The following LSAMP variants were observed in gnomAD, a reference collection of about 807,000 sequenced individuals.
The protein encoded by LSAMP is limbic system-associated membrane protein.
In LSAMP, 7 loss-of-function variants were observed where a neutral mutation model predicts 38.6. The ratio of observed to expected loss-of-function variants is 0.18; its 90% confidence interval spans 0.10 to 0.34. LSAMP has a LOEUF of 0.34. Among genes scored for constraint, LSAMP ranks in the 10% least tolerant of loss-of-function variants. The pLI is 1.00. For missense variants in LSAMP, 313 were observed against 420.0 expected (o/e 0.75, Z 2.23); for synonymous variants, 154 against 166.8 (o/e 0.92, Z 0.59).
intron 1 of LSAMP, among the ~76,000 whole-genome samples, chr3:116,177,540 C>A (rs1209988904): frequency 1.3e-5 from 2 of 151,768 alleles, no homozygotes; most frequent in African/African-American, 4.8e-5. Flanking sequence ...ATGTGAAATG[C>A]CACATGTGAA....
intron 1 of LSAMP, among the ~76,000 whole-genome samples, chr3:116,438,955 C>T (rs887771462): frequency 6.6e-6 from 1 of 152,152 alleles, no homozygotes. Context: ...TACAATGTGA[C>T]TCCAATTTTT....
chr3:116,043,026 G>A (rs1205978001), intron 2 of LSAMP, among the ~76,000 whole-genome samples: 1 of 152,124 alleles, frequency 6.6e-6, no homozygotes, highest in African/African-American at 2.4e-5. Flanking sequence ...TTTTGGGCTA[G>A]ATAATTATTT....
chr3:115,856,737 C>T (rs1935520767), intron 3 of LSAMP, among the ~76,000 whole-genome samples: 2 of 152,050 alleles, frequency 1.3e-5, no homozygotes. Context: ...CCTTATCAGA[C>T]AGTAAATTTG....
chr3:115,874,262 T>A (rs1936125082), intron 3 of LSAMP, among the ~76,000 whole-genome samples: 1 of 152,078 alleles, frequency 6.6e-6, no homozygotes, highest in Non-Finnish European at 1.5e-5. Context: ...TTCTCCTCAG[T>A]CTTTGGGAAC....
At chr3:115,846,502 C>T (rs1935164487) in intron 4 of LSAMP, among the ~76,000 whole-genome samples, 1 of 152,108 alleles carries the variant, frequency 6.6e-6, no homozygotes, top group Non-Finnish European at 1.5e-5. Flanking sequence ...TGCATGTCGG[C>T]ACTCTAATAG....
At chr3:115,881,237 T>G (rs1306185278) in intron 3 of LSAMP, among the ~76,000 whole-genome samples, 1 of 152,052 alleles carries the variant, frequency 6.6e-6, no homozygotes, top group Non-Finnish European at 1.5e-5. Flanking sequence ...TCATGAAAAG[T>G]GTTATGCACA....
intron 3 of LSAMP, among the ~76,000 whole-genome samples, chr3:115,960,200 A>C (rs559041602): frequency 6.6e-6 from 1 of 152,274 alleles, no homozygotes; most frequent in East Asian, 1.9e-4. Context: ...GTGAGCCCTA[A>C]TCCAATATAA....
intron 3 of LSAMP, among the ~76,000 whole-genome samples, chr3:115,985,234 A>G (rs1266483153): frequency 6.6e-6 from 1 of 152,206 alleles, no homozygotes; most frequent in Non-Finnish European, 1.5e-5. Flanking sequence ...CTAATAAAAA[A>G]TCAGTACCAA....
chr3:116,201,633 A>G (rs186292884), intron 1 of LSAMP, among the ~76,000 whole-genome samples: 1 of 152,314 alleles, frequency 6.6e-6, no homozygotes, highest in Admixed American at 6.5e-5. Context: ...TAAAAGGAGA[A>G]TGATCTACTT....
intron 3 of LSAMP, among the ~76,000 whole-genome samples, chr3:115,864,993 C>T (rs1935817016): frequency 6.6e-6 from 1 of 152,132 alleles, no homozygotes; most frequent in Non-Finnish European, 1.5e-5. Context: ...GGTAGTTGAC[C>T]AGAAGATTGA....
intron 1 of LSAMP, among the ~76,000 whole-genome samples, chr3:116,206,351 C>G (rs936923821): frequency 6.0e-5 from 9 of 150,910 alleles, no homozygotes; most frequent in Non-Finnish European, 1.3e-4. Context: ...TTTCAAAAAA[C>G]CAGCTCCTGG....
chr3:115,946,963 G>C (rs1345245253), intron 3 of LSAMP, among the ~76,000 whole-genome samples: 1 of 151,572 alleles, frequency 6.6e-6, no homozygotes. Flanking sequence ...AACCAAGTTA[G>C]ATTCTTTCCT....
At chr3:115,907,828 G>A (rs1444535831) in intron 3 of LSAMP, among the ~76,000 whole-genome samples, 1 of 152,162 alleles carries the variant, frequency 6.6e-6, no homozygotes, top group Non-Finnish European at 1.5e-5. Flanking sequence ...AGAGTTGTAT[G>A]CACCAGCTAT....
Position 115,934,214 on chromosome 3 carries a change from TGTCACCCAGGCTGGAGTGCAGTG to T in LSAMP, c.515-81620_515-81598del, listed in dbSNP as rs1479198723. ...TTTTTTTTCAGTCAGAGTGTCACTC[TGTCACCCAGGCTGGAGTGCAGTG>T]GTGCCATCTTGGCTCACTGCAACCT... is the stretch of plus-strand genomic sequence containing the variant. On this transcript the variant is annotated intron_variant, in intron 3 of 6. Transcript: ENST00000490035. Among the ~76,000 whole-genome samples the T allele has an allele frequency of 7.9e-5, 12 of 151,622 alleles. No individual in the cohort carries two copies. In the East Asian group the frequency reaches 2.3e-3, roughly 29 times the overall value.
At chr3:116,182,548 T>C (rs1205598318) in intron 1 of LSAMP, among the ~76,000 whole-genome samples, 1 of 151,754 alleles carries the variant, frequency 6.6e-6, no homozygotes, top group Non-Finnish European at 1.5e-5. Flanking sequence ...ACTCAATTTT[T>C]TCAGGGTAGG....
At chr3:116,255,776 C>G (rs2046741680) in intron 1 of LSAMP, among the ~76,000 whole-genome samples, 1 of 152,132 alleles carries the variant, frequency 6.6e-6, no homozygotes, top group Admixed American at 6.5e-5. Context: ...CTACAGAAAT[C>G]CAAATCAGCT....
At chr3:116,397,394 C>A (rs35742381) in intron 1 of LSAMP, among the ~76,000 whole-genome samples, 8 of 138,018 alleles carry the variant, frequency 5.8e-5, no homozygotes, top group Admixed American at 2.2e-4. Flanking sequence ...CCGCCCCCCC[C>A]CCACACACAC....
intron 2 of LSAMP, among the ~76,000 whole-genome samples, chr3:116,052,759 G>A (rs1941419527): frequency 6.6e-6 from 1 of 152,182 alleles, no homozygotes; most frequent in Admixed American, 6.5e-5. Context: ...TAGCAAACAA[G>A]TCAGTGTGAC....
chr3:115,868,812 C>G (rs983835014), intron 3 of LSAMP, among the ~76,000 whole-genome samples: 6 of 151,820 alleles, frequency 4.0e-5, no homozygotes, highest in Admixed American at 6.6e-5. Context: ...GTGGTAGGTC[C>G]AAATACAAGA....
Sources: gnomAD v4.1 joint callset for allele counts (sites outside exome capture counted in the v4.1 genomes callset) on GRCh38, gnomAD v4.1.1 for gene constraint, MANE v1.5 for transcripts, NCBI Gene and HGNC (gene_info 2026-07-23, HGNC 2026-07-21) for gene names.